CCDC93: variants seen among roughly 807,000 people sequenced by gnomAD.
CCDC93 encodes CCC complex scaffolding subunit CCDC93, also known as coiled-coil domain-containing protein 93.
Under a neutral mutation model 108.2 loss-of-function variants are expected in CCDC93, and 61 were observed. The ratio of observed to expected loss-of-function variants is 0.56; its 90% CI spans 0.46 to 0.70. The LOEUF (loss-of-function observed/expected upper bound fraction) is 0.70. Ranked by LOEUF, CCDC93 falls within the 30% of genes least tolerant of loss-of-function variation. The pLI, the probability that CCDC93 is intolerant of heterozygous loss-of-function variation, is 0.00. For missense variants in CCDC93, 685 were observed against 764.2 expected (o/e 0.90, Z 1.22); for synonymous variants, 276 against 260.4 (o/e 1.06, Z -0.58).
intron 7 of CCDC93, among the ~76,000 whole-genome samples, chr2:117,982,867 C>T (rs1367719342): frequency 6.6e-6 from 1 of 151,920 alleles, no homozygotes; most frequent in Non-Finnish European, 1.5e-5. Flanking sequence ...TTGACAGGGG[C>T]AGGGGAGAAA....
intron 7 of CCDC93, 40 bp downstream of exon 7, chr2:117,985,929 T>C (rs2104800012): frequency 8.0e-7 from 1 of 1,246,476 alleles, no homozygotes; most frequent in Middle Eastern, 1.9e-4. Flanking sequence ...AATTAGCTTT[T>C]CTTTTAAAAG....
chr2:118,006,748 T>A lies in CCDC93; in HGVS notation c.225A>T (p.Gln75His), dbSNP rs772074897. 1.4e-5 allele frequency: 22 copies of A among 1,612,200 alleles called. No individual in the cohort carries two copies. The highest frequency in any genetic ancestry group is 1.9e-5 in the Non-Finnish European group (22 of 1,178,212). ...NFDVDVDLLF[Q>H]ENSTIGQKIA... is the part of the protein sequence containing the mutation. ...TTTTTTGACCTATCGTAGAGTTTTC[T>A]TGAAAGAGCAAATCAACATCTACAT... The change falls in exon 3 of 24, where the codon CAA becomes CAT. Residue 75 changes from glutamine to histidine, a missense_variant. Transcript: ENST00000376300.
chr2:117,978,125 C>A, intron 7 of CCDC93, 95 bp from the exon 8 acceptor site: 1 of 1,117,730 alleles, frequency 8.9e-7, no homozygotes, highest in East Asian at 2.4e-5. Context: ...TGAAAAACAT[C>A]AAGAGAATTT....
chr2:117,996,279 A>G lies in CCDC93; in HGVS notation c.447T>C (p.Thr149=), dbSNP rs1198032036. ...CAATACTGACCTCAGGGAGACTGTA[A>G]GTCTTCTGGAACTGGGATACAGAGT... ...RSYSVSQFQK[T]YSLPEDDDFI... The change falls in exon 5 of 24, where the codon ACT becomes ACC. Residue 149 remains threonine, a synonymous_variant. Transcript: ENST00000376300. 6.2e-7 allele frequency: 1 copy of G among 1,609,240 alleles called. No homozygotes were observed. The highest frequency in any genetic ancestry group is 8.5e-7 in the Non-Finnish European group (1 of 1,175,758).
At chr2:117,923,017 AAAG>A (rs1677930769) in intron 23 of CCDC93, among the ~76,000 whole-genome samples, 1 of 152,102 alleles carries the variant, frequency 6.6e-6, no homozygotes, top group South Asian at 2.1e-4. Context: ...CAAAAAAAAA[AAAG>A]GACTACCCAC....
At chr2:117,975,871 T>A (rs1323494380) in intron 8 of CCDC93, among the ~76,000 whole-genome samples, 1 of 152,158 alleles carries the variant, frequency 6.6e-6, no homozygotes, top group Non-Finnish European at 1.5e-5. Context: ...AACTGCCTTA[T>A]CTAATGATCA....
At chr2:118,008,523 G>T in intron 2 of CCDC93, 22 bp downstream of exon 2, 1 of 1,318,430 alleles carries the variant, frequency 7.6e-7, no homozygotes, top group Non-Finnish European at 1.1e-6. Context: ...ATAGTGTAAT[G>T]GTTAGAAAGA....
rs763084361 is a variant in CCDC93, at chr2:117,915,795, T to A, written c.*4548A>T. ...GTGAAAACATATGCACACACATACA[T>A]CTACACACTTTCTCCATTCCAAACA... On this transcript the variant is annotated 3_prime_UTR_variant, in exon 24 of 24. Transcript: ENST00000376300. The A allele has an allele frequency of 2.0e-5, 3 of 152,186 alleles. No homozygotes were observed. Among genetic ancestry groups the A allele is most frequent in the Non-Finnish European group, 4.4e-5 (3 of 68,044 alleles). The allele number at this position is 152,186 out of a possible 1,614,324, so 9.4% of individuals were successfully genotyped here.
chr2:117,988,855 C>G (rs6542418), intron 6 of CCDC93, among the ~76,000 whole-genome samples: 52,849 of 152,086 alleles, frequency 0.35, 9,705 homozygotes, highest in Middle Eastern at 0.48. Context: ...CTTCCATTTT[C>G]TTTTACATGA....
At position 117,946,981 on chromosome 2, in the gene CCDC93, G is replaced by T. The variant is rs935059701; in HGVS notation, c.1225-99C>A. ...CACAAGTCTTATTTTCACATTTCATGAGTTTATTCTGGGACGAAAAGCTAA... is the reference window on the plus strand; with the variant it reads ...CACAAGTCTTATTTTCACATTTCATTAGTTTATTCTGGGACGAAAAGCTAA... On this transcript the variant is annotated intron_variant, in intron 15 of 23. Transcript: ENST00000376300. 10 of 915,492 alleles carry T rather than the reference G, an allele frequency of 1.1e-5. No individual in the cohort carries two copies. The African/African-American group carries it at 1.6e-4, about 15-fold the overall frequency. 56.7% of individuals were successfully genotyped at this position (915,492 alleles called of 1,614,324 possible).
Position 118,006,738 on chromosome 2 carries a change from T to C in CCDC93, c.235A>G (p.Thr79Ala). The part of the protein sequence containing the change: ...DVDLLFQENS[T>A]IGQKIALSEK... ...AAAACTTACATTTTTTGACCTATCG[T>C]AGAGTTTTCTTGAAAGAGCAAATCA... The change falls in exon 3 of 24, where the codon ACG becomes GCG. Residue 79 changes from threonine (T) to alanine (A), a missense_variant. Thr to Ala is a moderately conservative substitution (Grantham distance 58). Transcript: ENST00000376300. 6.2e-7 allele frequency: 1 copy of C among 1,609,152 alleles called. No individual in the cohort carries two copies. Among genetic ancestry groups the C allele is most frequent in the South Asian group, 1.1e-5 (1 of 90,986 alleles).
intron 6 of CCDC93, among the ~76,000 whole-genome samples, chr2:117,993,967 CGT>C: frequency 6.6e-6 from 1 of 152,160 alleles, no homozygotes; most frequent in East Asian, 1.9e-4. Flanking sequence ...CTCCTGACCT[CGT>C]GATCCACCCG....
At position 117,928,133 on chromosome 2, in the gene CCDC93, T is replaced by C. The variant is rs550623095; in HGVS notation, c.1842+2904A>G. ...ATTCAAGACGGATTAAAGACTTAAATGTGAGACCTAAAACCATAAAAACCC... is the reference window on the plus strand; with the variant it reads ...ATTCAAGACGGATTAAAGACTTAAACGTGAGACCTAAAACCATAAAAACCC... On this transcript the variant is annotated intron_variant, in intron 23 of 23. Coordinates refer to ENST00000376300, the MANE Select transcript of CCDC93 (RefSeq NM_019044.5). 3.5e-3 allele frequency among the ~76,000 whole-genome samples: 534 copies of C among 152,294 alleles called. 4 individuals carry two copies. Among genetic ancestry groups the C allele is most frequent in the African/African-American group, 0.012 (513 of 41,554 alleles).
At chr2:117,996,457 C>T (rs1680652495) in intron 4 of CCDC93, 95 bp from the exon 5 acceptor site, 1 of 814,820 alleles carries the variant, frequency 1.2e-6, no homozygotes, top group Admixed American at 1.9e-5. Flanking sequence ...GAACTCAAAT[C>T]AGCATAGTTG....
At chr2:117,942,640 G>A (rs964067059) in intron 18 of CCDC93, among the ~76,000 whole-genome samples, 1 of 152,144 alleles carries the variant, frequency 6.6e-6, no homozygotes, top group Non-Finnish European at 1.5e-5. Flanking sequence ...CTGCTCAGGT[G>A]CATCTTCACT....
chr2:117,988,121 T>C (rs1558797752), intron 6 of CCDC93, among the ~76,000 whole-genome samples: 1 of 151,254 alleles, frequency 6.6e-6, no homozygotes, highest in Non-Finnish European at 1.5e-5. Context: ...ATCAGATATA[T>C]ATATATATGA....
At chr2:117,945,449 G>A in intron 17 of CCDC93, 80 bp downstream of exon 17, 2 of 1,150,576 alleles carry the variant, frequency 1.7e-6, no homozygotes, top group Middle Eastern at 2.1e-4. Context: ...AAGTAGGCAT[G>A]AGAAGCCATC....
At chr2:117,975,124 A>G (rs1383017672) in intron 9 of CCDC93, 64 bp downstream of exon 9, 1 of 1,413,302 alleles carries the variant, frequency 7.1e-7, no homozygotes, top group Admixed American at 1.7e-5. Context: ...GCTAGGGATA[A>G]GAGTACGATT....
intron 22 of CCDC93, chr2:117,934,161 T>A (rs1028712390): frequency 1.3e-5 from 2 of 152,134 alleles, no homozygotes; most frequent in African/African-American, 2.4e-5. Flanking sequence ...CCACTTCCTG[T>A]TTACACTGCT....
Sources: gnomAD v4.1 joint callset for allele counts (sites outside exome capture counted in the v4.1 genomes callset) on GRCh38, gnomAD v4.1.1 for gene constraint, MANE v1.5 for transcripts, NCBI Gene and HGNC (gene_info 2026-07-23, HGNC 2026-07-21) for gene names.